PRKAR1A: variants seen among roughly 807,000 people sequenced by gnomAD.
The protein encoded by PRKAR1A is cAMP-dependent protein kinase type I-alpha regulatory subunit.
PRKAR1A carries 3 observed loss-of-function variants against 52.0 expected under a neutral mutation model. The observed-to-expected ratio is 0.06, with a 90% CI of 0.03 to 0.15. The LOEUF (loss-of-function observed/expected upper bound fraction) is 0.15, where lower values mean the gene tolerates loss of function less well. Among genes scored for constraint, PRKAR1A ranks in the 10% least tolerant of loss-of-function variants. The probability of loss-of-function intolerance (pLI) is 1.00; values close to 1 mark genes in which losing one functional copy is unlikely to be tolerated. For missense variants in PRKAR1A, 240 were observed against 477.4 expected (o/e 0.50, Z 4.63); for synonymous variants, 188 against 168.4 (o/e 1.12, Z -0.90).
the PRKAR1A span, among the ~76,000 whole-genome samples, chr17:68,466,994 C>T: frequency 6.6e-6 from 1 of 152,194 alleles, no homozygotes; most frequent in Non-Finnish European, 1.5e-5. Flanking sequence ...TTCTGGATAT[C>T]TCATATAAAT....
chr17:68,510,738 T>G (rs1417004410), upstream of PRKAR1A, among the ~76,000 whole-genome samples: 1 of 152,216 alleles, frequency 6.6e-6, no homozygotes, highest in Non-Finnish European at 1.5e-5. Context: ...TGGTCAACAT[T>G]TGGGGAGTCA....
chr17:68,466,409 CTTTTTTTTT>C, the PRKAR1A span, among the ~76,000 whole-genome samples: 1 of 118,358 alleles, frequency 8.4e-6, no homozygotes, highest in African/African-American at 3.5e-5. Flanking sequence ...TTTTCTCTCT[CTTTTTTTTT>C]TTTTTTTTTT....
At chr17:68,522,999 A>G in intron 3 of PRKAR1A, 73 bp downstream of exon 3, 1 of 1,557,940 alleles carries the variant, frequency 6.4e-7, no homozygotes, top group Non-Finnish European at 8.8e-7. Context: ...TCCTTTGATG[A>G]ATGAATCATA....
chr17:68,532,038 T>G lies in PRKAR1A; in HGVS notation c.*1589T>G. ...TTTTTTTCATAGATTTGAAAAACTT[T>G]TAGGTTGTTACCAAGTATGAAGTAT... On this transcript the variant is annotated 3_prime_UTR_variant, in exon 11 of 11. Coordinates refer to ENST00000589228, the MANE Select transcript of PRKAR1A (RefSeq NM_002734.5). The G allele has an allele frequency of 9.4e-7, 1 of 1,065,408 alleles. No individual in the cohort carries two copies. Among genetic ancestry groups the G allele is most frequent in the Non-Finnish European group, 1.1e-6 (1 of 879,018 alleles). The allele number at this position is 1,065,408 out of a possible 1,614,324, so 66.0% of individuals were successfully genotyped here.
the PRKAR1A span, chr17:68,451,026 T>G: frequency 7.7e-7 from 1 of 1,300,810 alleles, no homozygotes; most frequent in South Asian, 1.6e-5. Flanking sequence ...CCAGGCGCCC[T>G]CTCTGAGCTT....
At chr17:68,492,420 C>T in the PRKAR1A span, among the ~76,000 whole-genome samples, 2 of 152,008 alleles carry the variant, frequency 1.3e-5, no homozygotes, top group South Asian at 4.1e-4. Flanking sequence ...GCGAGCCAGC[C>T]GTCAGGGTGA....
intron 11 of PRKAR1A, chr17:68,543,589 T>A: frequency 6.3e-7 from 1 of 1,575,736 alleles, no homozygotes; most frequent in Non-Finnish European, 8.7e-7. Flanking sequence ...AGAGGATTGG[T>A]CCTTATAGGC....
the PRKAR1A span, among the ~76,000 whole-genome samples, chr17:68,494,014 G>A: frequency 2.0e-5 from 3 of 152,226 alleles, no homozygotes; most frequent in East Asian, 3.9e-4. Context: ...TCTTCACAAC[G>A]TTGTGAATAG....
At chr17:68,458,529 A>G in the PRKAR1A span, among the ~76,000 whole-genome samples, 1 of 152,332 alleles carries the variant, frequency 6.6e-6, no homozygotes, top group African/African-American at 2.4e-5. Flanking sequence ...AAGTATCTAA[A>G]CAAGACCTAT....
chr17:68,543,800 G>A (rs1475514076), intron 11 of PRKAR1A: 1 of 1,260,610 alleles, frequency 7.9e-7, no homozygotes, highest in Admixed American at 1.7e-5. Flanking sequence ...AGCATGACCA[G>A]CGAGAAAGGA....
chr17:68,422,723 T>TATCA, the PRKAR1A span: 1 of 101,592 alleles, frequency 9.8e-6, no homozygotes, highest in Non-Finnish European at 1.8e-5. Context: ...AGTGAGACTC[T>TATCA]ATCATCTCAA....
At chr17:68,429,068 G>A in the PRKAR1A span, 1 of 658,212 alleles carries the variant, frequency 1.5e-6, no homozygotes, top group Admixed American at 2.5e-5. Context: ...CCACTGATCT[G>A]GTCTGGGCTT....
the PRKAR1A span, among the ~76,000 whole-genome samples, chr17:68,484,328 TA>T: frequency 2.0e-4 from 30 of 152,384 alleles, no homozygotes; most frequent in African/African-American, 7.2e-4. Context: ...AAATGTTTTG[TA>T]TTTTTGATAG....
chr17:68,489,933 C>T, the PRKAR1A span, among the ~76,000 whole-genome samples: 1 of 151,992 alleles, frequency 6.6e-6, no homozygotes, highest in Non-Finnish European at 1.5e-5. Flanking sequence ...GGTAATTGGT[C>T]CCTTAAGTAA....
the PRKAR1A span, chr17:68,427,279 G>A: frequency 1.9e-6 from 3 of 1,570,144 alleles, no homozygotes; most frequent in South Asian, 3.4e-5. Context: ...AAGAGGAGGT[G>A]AAAGAAAAAA....
At chr17:68,414,195 T>C in the PRKAR1A span, 1 of 152,370 alleles carries the variant, frequency 6.6e-6, no homozygotes, top group African/African-American at 2.4e-5. Context: ...ATGTCCCTTG[T>C]ATGCCGATTT....
At chr17:68,430,273 T>G in the PRKAR1A span, 1 of 1,084,706 alleles carries the variant, frequency 9.2e-7, no homozygotes, top group Admixed American at 2.6e-5. Context: ...GGAGAGACTG[T>G]GCCTTAGCAT....
At chr17:68,468,643 C>A in the PRKAR1A span, among the ~76,000 whole-genome samples, 1 of 152,106 alleles carries the variant, frequency 6.6e-6, no homozygotes, top group African/African-American at 2.4e-5. Context: ...TTATTGATTG[C>A]AAATACGCAC....
chr17:68,505,531 G>T, the PRKAR1A span, among the ~76,000 whole-genome samples: 5 of 152,276 alleles, frequency 3.3e-5, no homozygotes, highest in Admixed American at 3.3e-4. Flanking sequence ...TAATGTATCA[G>T]GCCAGGTGAG....
Sources: allele counts gnomAD v4.1 joint callset (sites outside exome capture counted in the v4.1 genomes callset), GRCh38; gene constraint gnomAD v4.1.1; transcripts MANE v1.5; gene names NCBI Gene and HGNC (gene_info 2026-07-23, HGNC 2026-07-21).